Variants in SH2D4A observed in about 807,000 individuals in gnomAD.
SH2D4A encodes SH2 domain containing 4A.
In SH2D4A, 70 loss-of-function variants were observed where a neutral mutation model predicts 64.7. The ratio of observed to expected loss-of-function variants is 1.08; its 90% CI spans 0.89 to 1.32. SH2D4A has a LOEUF of 1.32. SH2D4A is among the 40% of genes most tolerant of loss of function. The pLI, the probability that SH2D4A is intolerant of heterozygous loss-of-function variation, is 0.00. For synonymous variants in SH2D4A, 268 were observed against 200.7 expected, an observed-to-expected ratio of 1.34 and a Z score of -2.83; for missense variants, 706 against 540.1, an observed-to-expected ratio of 1.31 and a Z score of -3.04.
At chr8:19,366,876 C>G (rs1183271934) in intron 7 of SH2D4A, among the ~76,000 whole-genome samples, 1 of 152,208 alleles carries the variant, frequency 6.6e-6, no homozygotes, top group Non-Finnish European at 1.5e-5. Context: ...TGGCTTATTT[C>G]ACTTAACAAT....
Position 19,393,465 on chromosome 8 carries a change from C to T in SH2D4A, c.1196C>T (p.Ser399Phe), listed in dbSNP as rs754653430. 9 of 1,614,132 alleles carry T rather than the reference C, an allele frequency of 5.6e-6. No homozygotes were observed. In the African/African-American group the frequency reaches 1.2e-4, roughly 22 times the overall value. ...TGTAAACATTTCCTCATCGATGCCTCTGCAGACGCCTACAGCTTCCTGGGC... is the reference window on the plus strand; with the variant it reads ...TGTAAACATTTCCTCATCGATGCCTTTGCAGACGCCTACAGCTTCCTGGGC... ...DGCKHFLIDA[S>F]ADAYSFLGVD... is the part of the protein sequence containing the mutation. The change falls in exon 9 of 10, where the codon TCT becomes TTT. Residue 399 changes from serine to phenylalanine, a missense_variant. By Grantham distance (155) the Ser-to-Phe change is radical. Transcript: ENST00000265807.
At chr8:19,384,093 G>C (rs1261503221) in intron 8 of SH2D4A, among the ~76,000 whole-genome samples, 1 of 152,134 alleles carries the variant, frequency 6.6e-6, no homozygotes, top group African/African-American at 2.4e-5. Flanking sequence ...TAACTAAGCA[G>C]CACTTCAGTA....
chr8:19,321,586 A>T (rs2052192549), intron 2 of SH2D4A, among the ~76,000 whole-genome samples: 1 of 152,236 alleles, frequency 6.6e-6, no homozygotes, highest in Non-Finnish European at 1.5e-5. Flanking sequence ...GTTGGATTTT[A>T]CATTATTCTG....
At chr8:19,322,474 T>C (rs2052208331) in intron 2 of SH2D4A, among the ~76,000 whole-genome samples, 1 of 152,170 alleles carries the variant, frequency 6.6e-6, no homozygotes, top group Non-Finnish European at 1.5e-5. Flanking sequence ...CTTGACCCCC[T>C]CTAGCTTATC....
chr8:19,314,452 G>T (rs1176847807), intron 1 of SH2D4A, among the ~76,000 whole-genome samples: 2 of 152,124 alleles, frequency 1.3e-5, no homozygotes, highest in African/African-American at 4.8e-5. Flanking sequence ...GGGCTGCAGC[G>T]GCGGGGCTGG....
chr8:19,390,516 C>G (rs2053473641), intron 8 of SH2D4A, among the ~76,000 whole-genome samples: 2 of 152,186 alleles, frequency 1.3e-5, no homozygotes, highest in African/African-American at 2.4e-5. Flanking sequence ...CACAGTGCCC[C>G]TGATGGATTC....
chr8:19,356,943 A>G (rs558111827), intron 4 of SH2D4A, among the ~76,000 whole-genome samples: 71 of 152,352 alleles, frequency 4.7e-4, no homozygotes, highest in African/African-American at 1.6e-3. Flanking sequence ...AAATGGGAGC[A>G]AAATATACCA....
At chr8:19,365,297 A>T (rs968225716) in intron 7 of SH2D4A, among the ~76,000 whole-genome samples, 3 of 152,194 alleles carry the variant, frequency 2.0e-5, no homozygotes, top group African/African-American at 7.2e-5. Context: ...GTGGGGACCA[A>T]CGTGGAACTC....
In SH2D4A at chr8:19,376,789, T is replaced by C. The variant is rs546786790; in HGVS notation, c.1048+3129T>C. ...GGTGAGACTGTGCTGGTCTGCTTGCTATAGACAACATTCAGATGAGCAGTT... is the reference window on the plus strand; with the variant it reads ...GGTGAGACTGTGCTGGTCTGCTTGCCATAGACAACATTCAGATGAGCAGTT... On this transcript the variant is annotated intron_variant, in intron 8 of 9. Transcript: ENST00000265807. Among the ~76,000 whole-genome samples, 5 of 152,296 alleles carry C rather than the reference T, an allele frequency of 3.3e-5. No individual in the cohort carries two copies. In the East Asian group the frequency reaches 9.7e-4, roughly 29 times the overall value.
intron 8 of SH2D4A, among the ~76,000 whole-genome samples, chr8:19,385,954 TTATG>T (rs1163213050): frequency 6.6e-6 from 1 of 152,206 alleles, no homozygotes; most frequent in Non-Finnish European, 1.5e-5. Context: ...GAGTAGTTAT[TTATG>T]TGATTTCTCA....
chr8:19,361,349 G>A (rs1416797357), intron 6 of SH2D4A, 35 bp downstream of exon 6: 1 of 1,555,818 alleles, frequency 6.4e-7, no homozygotes, highest in African/African-American at 1.4e-5. Context: ...CACCTTCCAG[G>A]CTCTCAGCTG....
At chr8:19,333,340 A>G (rs2052393502) in intron 3 of SH2D4A, among the ~76,000 whole-genome samples, 1 of 152,162 alleles carries the variant, frequency 6.6e-6, no homozygotes, top group Admixed American at 6.5e-5. Context: ...AGTCTTTGAT[A>G]GCACTAAAGA....
At chr8:19,392,899 GC>G (rs1250559651) in intron 8 of SH2D4A, among the ~76,000 whole-genome samples, 2 of 151,830 alleles carry the variant, frequency 1.3e-5, no homozygotes, top group Admixed American at 1.3e-4. Context: ...TCGCCAAAAC[GC>G]CCGGCTAATT....
intron 4 of SH2D4A, among the ~76,000 whole-genome samples, chr8:19,347,256 C>T (rs967153930): frequency 6.6e-6 from 1 of 152,164 alleles, no homozygotes; most frequent in Non-Finnish European, 1.5e-5. Context: ...TTTTGAGACA[C>T]GCACGTTCAG....
chr8:19,391,130 G>A (rs1013290047), intron 8 of SH2D4A, among the ~76,000 whole-genome samples: 2 of 152,122 alleles, frequency 1.3e-5, no homozygotes, highest in Admixed American at 6.5e-5. Flanking sequence ...CCTGGGTTTC[G>A]GAGTCAGTCT....
chr8:19,333,406 T>C (rs2052394659), intron 3 of SH2D4A, among the ~76,000 whole-genome samples: 1 of 152,216 alleles, frequency 6.6e-6, no homozygotes, highest in Non-Finnish European at 1.5e-5. Flanking sequence ...CTGCTTGTCA[T>C]TCCAGTTTTG....
intron 7 of SH2D4A, among the ~76,000 whole-genome samples, chr8:19,367,236 A>G (rs560626331): frequency 6.6e-6 from 1 of 152,290 alleles, no homozygotes; most frequent in East Asian, 1.9e-4. Context: ...TCTCTTTGAC[A>G]TACTGATTTC....
At chr8:19,373,131 C>G (rs540735956) in intron 7 of SH2D4A, among the ~76,000 whole-genome samples, 58 of 152,184 alleles carry the variant, frequency 3.8e-4, no homozygotes, top group African/African-American at 1.3e-3. Flanking sequence ...TGTGTTAACA[C>G]AGCAGTGGCT....
At chr8:19,332,750 C>T (rs983380689) in intron 2 of SH2D4A, among the ~76,000 whole-genome samples, 6 of 136,266 alleles carry the variant, frequency 4.4e-5, no homozygotes, top group Non-Finnish European at 9.8e-5. Flanking sequence ...ATTTTTAAAA[C>T]AAATATTTTC....
Sources: gnomAD v4.1 joint callset for allele counts (sites outside exome capture counted in the v4.1 genomes callset) on GRCh38, gnomAD v4.1.1 for gene constraint, MANE v1.5 for transcripts, NCBI Gene and HGNC (gene_info 2026-07-23, HGNC 2026-07-21) for gene names.